MYO3B: variants seen among roughly 807,000 people sequenced by gnomAD.
The protein encoded by MYO3B is myosin IIIB.
MYO3B carries 156 observed loss-of-function variants against 174.6 expected under a neutral mutation model. The ratio of observed to expected loss-of-function variants is 0.89; its 90% CI spans 0.78 to 1.02. The LOEUF (loss-of-function observed/expected upper bound fraction) is 1.02. Among genes scored for constraint, MYO3B ranks in the 50% least tolerant of loss-of-function variants. The probability of loss-of-function intolerance (pLI) is 0.00; values close to 1 mark genes in which losing one functional copy is unlikely to be tolerated. For missense variants in MYO3B, 1,632 were observed against 1,639.4 expected (o/e 1.00, Z 0.08); for synonymous variants, 563 against 569.1 (o/e 0.99, Z 0.15).
chr2:170,564,079 T>C (rs1249946564), intron 32 of MYO3B, among the ~76,000 whole-genome samples: 1 of 152,188 alleles, frequency 6.6e-6, no homozygotes, highest in African/African-American at 2.4e-5. Context: ...ACTTGAGAAT[T>C]TTCAAATCAT....
chr2:170,374,896 G>A (rs2094279476), intron 9 of MYO3B, among the ~76,000 whole-genome samples: 1 of 152,080 alleles, frequency 6.6e-6, no homozygotes, highest in African/African-American at 2.4e-5. Context: ...GCTGATTATA[G>A]TGTATGTATG....
At chr2:170,238,540 G>A (rs1373429290) in intron 7 of MYO3B, among the ~76,000 whole-genome samples, 1 of 152,146 alleles carries the variant, frequency 6.6e-6, no homozygotes, top group African/African-American at 2.4e-5. Flanking sequence ...AGGGTATGTT[G>A]GGATCCAGAA....
chr2:170,372,087 C>T (rs1488666338), intron 9 of MYO3B, among the ~76,000 whole-genome samples: 1 of 126,136 alleles, frequency 7.9e-6, no homozygotes, highest in Non-Finnish European at 1.6e-5. Flanking sequence ...CCACTGCATT[C>T]CAGCCTGGGC....
chr2:170,555,874 A>AAATAAT (rs60315800), intron 32 of MYO3B, among the ~76,000 whole-genome samples: 3,852 of 149,780 alleles, frequency 0.026, 69 homozygotes, highest in Non-Finnish European at 0.038. Context: ...CCTATCTCTA[A>AAATAAT]AATAATAATA....
rs372858439 is a variant in MYO3B, at chr2:170,401,506, T to C, written c.1944T>C (p.Pro648=). The change falls in exon 18 of 35, where the codon CCT becomes CCC. Residue 648 remains proline, a synonymous_variant. Coordinates refer to ENST00000408978, the MANE Select transcript of MYO3B (RefSeq NM_138995.5). ...CTGCCTCTGTTCTGTGCATTAGCCC[T>C]GAAGAGCTCCAGGAGGCCCTCACCT... ...QNAASVLCIS[P]EELQEALTSH... 24 of 1,613,970 alleles carry C rather than the reference T, an allele frequency of 1.5e-5. No individual in the cohort carries two copies. Among genetic ancestry groups the C allele is most frequent in the Non-Finnish European group, 1.9e-5 (23 of 1,179,956 alleles).
chr2:170,178,394 G>A (rs774953324), intron 1 of MYO3B, 105 bp downstream of exon 1: 120 of 1,402,272 alleles, frequency 8.6e-5, no homozygotes, highest in Non-Finnish European at 1.2e-4. Context: ...AGTGGAGGGG[G>A]ATGACAGCCA....
intron 33 of MYO3B, among the ~76,000 whole-genome samples, 161 bp from the exon 34 acceptor site, chr2:170,651,947 C>A (rs1226289234): frequency 7.2e-6 from 1 of 138,142 alleles, no homozygotes; most frequent in East Asian, 2.1e-4. Context: ...GAGCAAGATG[C>A]ATGCTTCATC....
At chr2:170,605,196 A>T (rs1350295391) in intron 32 of MYO3B, among the ~76,000 whole-genome samples, 1 of 151,948 alleles carries the variant, frequency 6.6e-6, no homozygotes, top group Admixed American at 6.6e-5. Context: ...GTTTTCTTAA[A>T]CCACTCTCTT....
At chr2:170,217,290 T>G in intron 5 of MYO3B, 29 bp from the exon 6 acceptor site, 1 of 1,604,976 alleles carries the variant, frequency 6.2e-7, no homozygotes, top group Non-Finnish European at 8.5e-7. Flanking sequence ...CTTTGCTCAC[T>G]TTTGAATTCT....
intron 5 of MYO3B, among the ~76,000 whole-genome samples, chr2:170,216,249 A>C (rs2092826961): frequency 6.6e-6 from 1 of 152,226 alleles, no homozygotes; most frequent in Non-Finnish European, 1.5e-5. Flanking sequence ...CATTAGTGGC[A>C]ACCCTTGTCA....
At chr2:170,355,622 C>T (rs1001346127) in intron 8 of MYO3B, among the ~76,000 whole-genome samples, 1 of 152,224 alleles carries the variant, frequency 6.6e-6, no homozygotes, top group Non-Finnish European at 1.5e-5. Flanking sequence ...TGCCCTTCCC[C>T]AACTCACATT....
At chr2:170,430,232 A>C (rs534923534) in intron 22 of MYO3B, among the ~76,000 whole-genome samples, 2 of 152,034 alleles carry the variant, frequency 1.3e-5, no homozygotes, top group African/African-American at 2.4e-5. Context: ...GTATTATTTC[A>C]AAGTATGAAT....
At chr2:170,496,458 G>T (rs975260666) in intron 25 of MYO3B, among the ~76,000 whole-genome samples, 1 of 151,818 alleles carries the variant, frequency 6.6e-6, no homozygotes, top group African/African-American at 2.4e-5. Flanking sequence ...AAGAAATTAA[G>T]TTTATTTCAA....
intron 9 of MYO3B, among the ~76,000 whole-genome samples, chr2:170,375,660 GT>G (rs1217103137): frequency 3.3e-5 from 5 of 151,552 alleles, no homozygotes; most frequent in Non-Finnish European, 7.4e-5. Context: ...TTAACTGCTA[GT>G]TTTCCCCAGT....
At chr2:170,543,680 A>G (rs1690273824) in intron 31 of MYO3B, among the ~76,000 whole-genome samples, 1 of 152,198 alleles carries the variant, frequency 6.6e-6, no homozygotes, top group Non-Finnish European at 1.5e-5. Flanking sequence ...GAATGAAGCA[A>G]AAGATGTTAA....
intron 32 of MYO3B, among the ~76,000 whole-genome samples, chr2:170,650,279 G>C (rs1698904200): frequency 1.3e-5 from 2 of 151,732 alleles, no homozygotes; most frequent in African/African-American, 4.8e-5. Context: ...ATATAGATTT[G>C]TCCCAATTCA....
rs114561421 is a variant in MYO3B, at chr2:170,474,175, G to A, written c.3014+7464G>A. On this transcript the variant is annotated intron_variant, in intron 25 of 34. Coordinates refer to ENST00000408978, the MANE Select transcript of MYO3B (RefSeq NM_138995.5). Reference sequence around the variant, plus strand: ...GGAGCCAGGTTAGCTCTCCTTACATGTTGGCAAAGATGGTCCCTGGATGCT... The same window carrying A: ...GGAGCCAGGTTAGCTCTCCTTACATATTGGCAAAGATGGTCCCTGGATGCT... Among the ~76,000 whole-genome samples, 627 of 152,208 alleles carry A rather than the reference G, an allele frequency of 4.1e-3. 4 individuals are homozygous for A. The highest frequency in any genetic ancestry group is 6.6e-3 in the Non-Finnish European group (450 of 68,018).
intron 32 of MYO3B, among the ~76,000 whole-genome samples, chr2:170,625,250 T>A (rs1696310084): frequency 6.6e-6 from 1 of 152,126 alleles, no homozygotes; most frequent in South Asian, 2.1e-4. Context: ...CAGAGCCTGT[T>A]ATTGGTCTAT....
intron 30 of MYO3B, among the ~76,000 whole-genome samples, chr2:170,524,133 T>G (rs34020565): frequency 0.19 from 29,383 of 152,182 alleles, 7,256 homozygotes; most frequent in African/African-American, 0.56. Flanking sequence ...TTCAGATTGA[T>G]TGTTAGCATT....
Sources: gnomAD v4.1 joint callset for allele counts (sites outside exome capture counted in the v4.1 genomes callset) on GRCh38, gnomAD v4.1.1 for gene constraint, MANE v1.5 for transcripts, NCBI Gene and HGNC (gene_info 2026-07-23, HGNC 2026-07-21) for gene names.